FGF14: variants seen among roughly 807,000 people sequenced by gnomAD.
FGF14 encodes the protein fibroblast growth factor 14, also known as fibroblast growth factor homologous factor 4.
In FGF14, 5 loss-of-function variants were observed where a neutral mutation model predicts 25.5. That is an observed-to-expected ratio of 0.20 (90% CI 0.10 to 0.41). FGF14 has a LOEUF of 0.41. Ranked by LOEUF, FGF14 falls within the 10% of genes least tolerant of loss-of-function variation. FGF14 has a pLI of 1.00. For missense variants in FGF14, 222 were observed against 320.1 expected (o/e 0.69, Z 2.34); for synonymous variants, 138 against 118.3 (o/e 1.17, Z -1.08).
intron 1 of FGF14, among the ~76,000 whole-genome samples, chr13:102,225,933 G>A (rs58483982): frequency 6.6e-6 from 1 of 152,108 alleles, no homozygotes; most frequent in African/African-American, 2.4e-5. Flanking sequence ...GGTCGTGGCC[G>A]CATATTTATT....
At chr13:101,901,970 T>C (rs1431190371) in intron 1 of FGF14, among the ~76,000 whole-genome samples, 1 of 152,184 alleles carries the variant, frequency 6.6e-6, no homozygotes. Context: ...CATATTCATA[T>C]ACTTGTGATA....
At chr13:101,736,950 GA>G (rs1422368215) in intron 3 of FGF14, among the ~76,000 whole-genome samples, 1 of 139,712 alleles carries the variant, frequency 7.2e-6, no homozygotes, top group Non-Finnish European at 1.6e-5. Context: ...GCAACCACAA[GA>G]TTTTTTAAGA....
At chr13:102,372,728 T>C (rs988079067) in intron 1 of FGF14, among the ~76,000 whole-genome samples, 8 of 152,118 alleles carry the variant, frequency 5.3e-5, no homozygotes, top group African/African-American at 1.9e-4. Context: ...GACTTTTTCC[T>C]ACCACTGTCA....
intron 1 of FGF14, among the ~76,000 whole-genome samples, chr13:101,997,382 A>G (rs368854108): frequency 7.2e-5 from 11 of 152,222 alleles, no homozygotes; most frequent in African/African-American, 2.2e-4. Flanking sequence ...TACTACATGT[A>G]TAACTCTCAA....
chr13:102,381,544 T>C (rs937049968), intron 1 of FGF14, among the ~76,000 whole-genome samples: 1 of 152,174 alleles, frequency 6.6e-6, no homozygotes, highest in Non-Finnish European at 1.5e-5. Context: ...CTTGGACTTT[T>C]CAGCCTCCAG....
chr13:102,093,993 C>A (rs2044281989), intron 1 of FGF14, among the ~76,000 whole-genome samples: 1 of 147,582 alleles, frequency 6.8e-6, no homozygotes, highest in Admixed American at 6.9e-5. Context: ...TCTATAAACT[C>A]TAATATGATT....
chr13:101,999,620 T>C (rs1646300125), intron 1 of FGF14, among the ~76,000 whole-genome samples: 1 of 152,186 alleles, frequency 6.6e-6, no homozygotes, highest in South Asian at 2.1e-4. Context: ...CAGCTTCCAC[T>C]AGAATTCCAT....
chr13:102,251,351 G>A (rs2052162642), intron 1 of FGF14, among the ~76,000 whole-genome samples: 1 of 152,120 alleles, frequency 6.6e-6, no homozygotes, highest in Non-Finnish European at 1.5e-5. Context: ...TCTGAGTGAG[G>A]GCTGGAGCTT....
chr13:102,110,460 A>G (rs9554841), intron 1 of FGF14, among the ~76,000 whole-genome samples: 69,893 of 152,034 alleles, frequency 0.46, 18,585 homozygotes, highest in Non-Finnish European at 0.6. Flanking sequence ...TATGGCCGCA[A>G]CTTGTTTTTG....
chr13:102,024,741 G>A (rs141857232), intron 1 of FGF14, among the ~76,000 whole-genome samples: 81 of 151,844 alleles, frequency 5.3e-4, no homozygotes, highest in African/African-American at 1.9e-3. Flanking sequence ...TTATAGTTTA[G>A]GTCGATGATT....
At chr13:101,970,577 C>T (rs2037531348) in intron 1 of FGF14, among the ~76,000 whole-genome samples, 1 of 152,126 alleles carries the variant, frequency 6.6e-6, no homozygotes. Flanking sequence ...GTCTTTTGCC[C>T]CTCTGCCTCT....
intron 1 of FGF14, among the ~76,000 whole-genome samples, chr13:101,922,662 G>A (rs1456719641): frequency 1.3e-5 from 2 of 152,074 alleles, no homozygotes; most frequent in African/African-American, 4.8e-5. Context: ...AACTCGAAGT[G>A]AGGAGAGTAT....
chr13:101,916,870 G>A lies in FGF14; in HGVS notation c.-225C>T, dbSNP rs573570942. ...GCGCAGATGCGCCCAGGGCGCAGCCGGACGATCCCGGGAAGCCGGACGTCG... is the reference window on the plus strand; with the variant it reads ...GCGCAGATGCGCCCAGGGCGCAGCCAGACGATCCCGGGAAGCCGGACGTCG... On this transcript the variant is annotated 5_prime_UTR_variant, in exon 1 of 5. Transcript: ENST00000376143. Among the ~76,000 whole-genome samples the A allele has an allele frequency of 9.2e-5, 14 of 152,224 alleles. No individual in the cohort carries two copies. Among genetic ancestry groups the A allele is most frequent in the African/African-American group, 2.6e-4 (11 of 41,562 alleles).
At chr13:102,021,388 C>T (rs758505115) in intron 1 of FGF14, among the ~76,000 whole-genome samples, 7 of 151,758 alleles carry the variant, frequency 4.6e-5, no homozygotes, top group Non-Finnish European at 7.4e-5. Context: ...AGGTGGATAT[C>T]GTGAACTCCT....
chr13:101,802,753 T>C (rs1166790020), intron 3 of FGF14, among the ~76,000 whole-genome samples: 1 of 152,240 alleles, frequency 6.6e-6, no homozygotes, highest in Non-Finnish European at 1.5e-5. Flanking sequence ...TGATAAGGCA[T>C]TTAAAAGATG....
chr13:102,243,058 T>C (rs934399727), intron 1 of FGF14, among the ~76,000 whole-genome samples: 7 of 152,080 alleles, frequency 4.6e-5, no homozygotes, highest in African/African-American at 1.7e-4. Flanking sequence ...ACCATTCCTT[T>C]TTTCTCATTT....
chr13:101,734,762 T>G (rs947372828), intron 3 of FGF14, among the ~76,000 whole-genome samples: 1 of 152,132 alleles, frequency 6.6e-6, no homozygotes, highest in African/African-American at 2.4e-5. Flanking sequence ...ACTATTATTA[T>G]CCCCATTTTA....
intron 1 of FGF14, among the ~76,000 whole-genome samples, chr13:101,943,499 G>A (rs1442375743): frequency 6.6e-6 from 1 of 152,150 alleles, no homozygotes; most frequent in Admixed American, 6.5e-5. Context: ...CATTCTACAA[G>A]GCTCAAGACA....
intron 1 of FGF14, among the ~76,000 whole-genome samples, chr13:102,162,555 A>G (rs2047822451): frequency 1.3e-5 from 2 of 152,238 alleles, no homozygotes; most frequent in South Asian, 4.1e-4. Flanking sequence ...AAAAGGGCCT[A>G]AAGTATCAAG....
Sources: allele counts gnomAD v4.1 joint callset (sites outside exome capture counted in the v4.1 genomes callset), GRCh38; gene constraint gnomAD v4.1.1; transcripts MANE v1.5; gene names NCBI Gene and HGNC (gene_info 2026-07-23, HGNC 2026-07-21).